HYDIN: variants seen among roughly 807,000 people sequenced by gnomAD.
The protein encoded by HYDIN is HYDIN axonemal central pair apparatus protein.
In HYDIN, 132 loss-of-function variants were observed where a neutral mutation model predicts 403.9. The ratio of observed to expected loss-of-function variants is 0.33; its 90% CI spans 0.28 to 0.38. HYDIN has a LOEUF of 0.38. Among genes scored for constraint, HYDIN ranks in the 10% least tolerant of loss-of-function variants. HYDIN has a pLI of 1.00. For missense variants in HYDIN, 2,827 were observed against 5,009.5 expected (o/e 0.56, Z 13.15); for synonymous variants, 1,202 against 1,891.7 (o/e 0.64, Z 9.46).
At chr16:70,854,377 G>C (rs2038879556) in intron 73 of HYDIN, among the ~76,000 whole-genome samples, 1 of 148,510 alleles carries the variant, frequency 6.7e-6, no homozygotes, top group South Asian at 2.2e-4. Flanking sequence ...TGGGATTACA[G>C]GTGTGTGCCA....
At chr16:70,818,026 G>A (rs965319116) in intron 84 of HYDIN, among the ~76,000 whole-genome samples, 4 of 152,226 alleles carry the variant, frequency 2.6e-5, no homozygotes, top group African/African-American at 9.7e-5. Flanking sequence ...ATAGGTGTGA[G>A]CCACTGCACC....
intron 4 of HYDIN, among the ~76,000 whole-genome samples, chr16:71,176,046 C>T (rs1400565583): frequency 2.0e-5 from 3 of 151,616 alleles, no homozygotes; most frequent in African/African-American, 7.3e-5. Flanking sequence ...AGTGGCTCAC[C>T]CGTTATCCCA....
chr16:71,087,742 G>T, intron 12 of HYDIN: 1 of 147,236 alleles, frequency 6.8e-6, no homozygotes, highest in African/African-American at 2.5e-5. Flanking sequence ...CCCCAAGGGA[G>T]ACCTCAGCTT....
At chr16:71,202,858 C>G (rs1294952470) in intron 1 of HYDIN, among the ~76,000 whole-genome samples, 1 of 152,124 alleles carries the variant, frequency 6.6e-6, no homozygotes, top group African/African-American at 2.4e-5. Flanking sequence ...CCCTATTCTC[C>G]TTCTGGTAAG....
intron 4 of HYDIN, among the ~76,000 whole-genome samples, chr16:71,178,654 G>A (rs1219236928): frequency 6.6e-6 from 1 of 151,808 alleles, no homozygotes; most frequent in Non-Finnish European, 1.5e-5. Context: ...TAAGAACCCC[G>A]TGACATTCAT....
chr16:70,830,630 G>C lies in HYDIN; in HGVS notation c.13900-800C>G, dbSNP rs537504955. On this transcript the variant is annotated intron_variant, in intron 80 of 85. Transcript: ENST00000393567. Reference sequence around the variant, plus strand: ...GATGACGGTGGCTTAGGTGGCACTGGTAGCACTGGGGATGGTGGAAAGTGG... The same window carrying C: ...GATGACGGTGGCTTAGGTGGCACTGCTAGCACTGGGGATGGTGGAAAGTGG... Among the ~76,000 whole-genome samples, 1,355 of 147,258 alleles carry C rather than the reference G, an allele frequency of 9.2e-3. 12 individuals are homozygous for C. Among genetic ancestry groups the C allele is most frequent in the Middle Eastern group, 0.074 (21 of 282 alleles).
chr16:70,860,166 A>G lies in HYDIN; in HGVS notation c.12031T>C (p.Phe4011Leu). 6.2e-7 allele frequency: 1 copy of G among 1,614,108 alleles called. No homozygotes were observed. The highest frequency in any genetic ancestry group is 8.5e-7 in the Non-Finnish European group (1 of 1,179,956). ...TCAATTTCTTCAGAGATCCAGCAGA[A>G]GGAGTAGGTGCTATTGGTTGGGTTT... ...ILNPTNSTYS[F>L]CWISEEIESL... The change falls in exon 71 of 86, where the codon TTC becomes CTC. Residue 4011 changes from phenylalanine (F) to leucine (L), a missense_variant. By Grantham distance (22) the Phe-to-Leu change is conservative. Transcript: ENST00000393567.
chr16:70,962,617 T>A (rs1411498309), intron 37 of HYDIN, among the ~76,000 whole-genome samples: 1 of 151,394 alleles, frequency 6.6e-6, no homozygotes, highest in African/African-American at 2.4e-5. Flanking sequence ...ATTTCCTGTG[T>A]CATTGTTAGG....
chr16:71,175,755 C>T lies in HYDIN; in HGVS notation c.382-14G>A. 1 of 1,613,810 alleles carries T rather than the reference C, an allele frequency of 6.2e-7. No homozygotes were observed. The highest frequency in any genetic ancestry group is 8.5e-7 in the Non-Finnish European group (1 of 1,179,750). Reference sequence around the variant, plus strand: ...CAACCTTGGAATCTGCAGGGAAACACATGATGATGAACATCGTGCATGTGA... The same window carrying T: ...CAACCTTGGAATCTGCAGGGAAACATATGATGATGAACATCGTGCATGTGA... On this transcript the variant is annotated splice_polypyrimidine_tract_variant and intron_variant, in intron 4 of 85. Coordinates refer to ENST00000393567, the MANE Select transcript of HYDIN (RefSeq NM_001270974.2).
intron 1 of HYDIN, among the ~76,000 whole-genome samples, chr16:71,223,623 C>G (rs1256740071): frequency 3.1e-5 from 3 of 95,864 alleles, no homozygotes; most frequent in Non-Finnish European, 5.6e-5. Context: ...TCAAACAAAT[C>G]AGCAAGAAAA....
chr16:70,883,433 G>A (rs1337299971), intron 59 of HYDIN, among the ~76,000 whole-genome samples: 1 of 151,626 alleles, frequency 6.6e-6, no homozygotes, highest in Non-Finnish European at 1.5e-5. Flanking sequence ...GTGTGAAGCT[G>A]CACCTCCTCC....
At chr16:71,124,024 C>T (rs900315205) in intron 9 of HYDIN, among the ~76,000 whole-genome samples, 2 of 151,662 alleles carry the variant, frequency 1.3e-5, no homozygotes, top group Non-Finnish European at 2.9e-5. Context: ...CTCCCTTTCT[C>T]CACCAATGAA....
rs1219510975 is a variant in HYDIN at position 70,849,894 on chromosome 16, C to A, written c.12705G>T (p.Lys4235Asn). ...QCEFNFINTG[K>N]FTFSFQAQLC... The stretch of plus-strand genomic sequence containing the variant: ...GCTGTGCCTGGAAGCTGAAGGTGAA[C>A]TTTCCAGTGTTGATAAAGTTGAATT... Residue 4235 changes from lysine to asparagine, a missense_variant, in exon 75 of 86, where the codon AAG becomes AAT. Coordinates refer to ENST00000393567, the MANE Select transcript of HYDIN (RefSeq NM_001270974.2). 3 of 719,208 alleles carry A rather than the reference C, an allele frequency of 4.2e-6. No individual in the cohort carries two copies. The East Asian group carries it at 8.1e-5, about 19-fold the overall frequency. 44.6% of individuals were successfully genotyped at this position (719,208 alleles called of 1,614,324 possible).
At chr16:70,995,549 C>T (rs1037141194) in intron 23 of HYDIN, among the ~76,000 whole-genome samples, 7 of 152,134 alleles carry the variant, frequency 4.6e-5, no homozygotes, top group African/African-American at 1.7e-4. Context: ...AAAAAAAAAT[C>T]CACCATACTT....
intron 10 of HYDIN, among the ~76,000 whole-genome samples, chr16:71,107,612 C>A (rs2144430252): frequency 6.6e-6 from 1 of 151,932 alleles, no homozygotes; most frequent in South Asian, 2.1e-4. Context: ...GAAGTCAAAA[C>A]CACAATGAGA....
chr16:71,184,267 A>G (rs1400020032), intron 3 of HYDIN, among the ~76,000 whole-genome samples: 2 of 152,168 alleles, frequency 1.3e-5, no homozygotes, highest in Non-Finnish European at 2.9e-5. Context: ...GGAGGTTCAT[A>G]CCATAATTTG....
intron 25 of HYDIN, among the ~76,000 whole-genome samples, chr16:70,989,907 A>T (rs1224167338): frequency 6.6e-6 from 1 of 152,224 alleles, no homozygotes; most frequent in Non-Finnish European, 1.5e-5. Flanking sequence ...TGAAGATTAA[A>T]TTCCAGAGAT....
intron 8 of HYDIN, among the ~76,000 whole-genome samples, chr16:71,134,806 C>T (rs2084851429): frequency 6.6e-6 from 1 of 152,092 alleles, no homozygotes; most frequent in Non-Finnish European, 1.5e-5. Flanking sequence ...AAGTTGTTTG[C>T]TTTCTTATTA....
chr16:71,176,567 G>A (rs972053367), intron 4 of HYDIN, among the ~76,000 whole-genome samples: 1 of 152,050 alleles, frequency 6.6e-6, no homozygotes, highest in Non-Finnish European at 1.5e-5. Flanking sequence ...CCAAGCAAAG[G>A]TGCTGGGAGT....
Sources: allele counts gnomAD v4.1 joint callset (sites outside exome capture counted in the v4.1 genomes callset), GRCh38; gene constraint gnomAD v4.1.1; transcripts MANE v1.5; gene names NCBI Gene and HGNC (gene_info 2026-07-23, HGNC 2026-07-21).